The following PLOD1 variants were observed in gnomAD, a reference collection of about 807,000 sequenced individuals.
PLOD1 encodes lysine hydroxylase.
PLOD1 carries 70 observed loss-of-function variants against 94.7 expected under a neutral mutation model. The observed-to-expected ratio is 0.74, with a 90% CI of 0.61 to 0.90. The LOEUF is 0.90. Among genes scored for constraint, PLOD1 ranks in the 40% least tolerant of loss-of-function variants. PLOD1 has a pLI of 0.00. For synonymous variants in PLOD1, 417 were observed against 400.2 expected (o/e 1.04, Z -0.50); for missense variants, 905 against 972.7 (o/e 0.93, Z 0.93).
intron 9 of PLOD1, among the ~76,000 whole-genome samples, chr1:11,960,015 C>T (rs1245504303): frequency 2.7e-5 from 4 of 145,966 alleles, no homozygotes; most frequent in Non-Finnish European, 4.4e-5. Context: ...CTGCAACCTC[C>T]GCCTCCCAAG....
intron 10 of PLOD1, among the ~76,000 whole-genome samples, chr1:11,962,493 G>A (rs1040907593): frequency 6.7e-6 from 1 of 148,558 alleles, no homozygotes; most frequent in Non-Finnish European, 1.5e-5. Flanking sequence ...AGCCAGGATG[G>A]TCTCGATCTC....
intron 1 of PLOD1, among the ~76,000 whole-genome samples, chr1:11,944,359 C>G (rs113232254): frequency 1.3e-5 from 2 of 151,982 alleles, no homozygotes; most frequent in Non-Finnish European, 2.9e-5. Context: ...CCCCTTCCCC[C>G]ACCCCTGCTG....
At chr1:11,943,488 G>C (rs1645629060) in intron 1 of PLOD1, among the ~76,000 whole-genome samples, 1 of 152,018 alleles carries the variant, frequency 6.6e-6, no homozygotes, top group South Asian at 2.1e-4. Context: ...GTAGAGACAG[G>C]GTTTCACCAT....
rs1007349294 is a variant in PLOD1 at position 11,957,987 on chromosome 1, C to T, written c.843+44C>T. The T allele has an allele frequency of 8.0e-7, 1 of 1,256,084 alleles. No homozygotes were observed. The highest frequency in any genetic ancestry group is 1.2e-6 in the Non-Finnish European group (1 of 853,180). The allele number at this position is 1,256,084 out of a possible 1,614,324, so 77.8% of individuals were successfully genotyped here. On this transcript the variant is annotated intron_variant, in intron 8 of 18. Transcript: ENST00000196061. The surrounding 1 kb of genome is among the most constrained non-coding windows in gnomAD (Gnocchi z 4.1). The stretch of plus-strand genomic sequence containing the variant: ...CTGTGCCTGAGGGACACGGGGGGCT[C>T]AGTCCCCTGAGATGGCGAGATGGGT...
In PLOD1 at chr1:11,964,165, C is replaced by T; in HGVS notation, c.1203-10C>T. On this transcript the variant is annotated splice_polypyrimidine_tract_variant and intron_variant, in intron 11 of 18. Transcript: ENST00000196061. ...CAGCGACCTCCTACTGAGGTGCTCCCTTCCCTCAGGAACGTCATTGCCCCG... is the reference window on the plus strand; with the variant it reads ...CAGCGACCTCCTACTGAGGTGCTCCTTTCCCTCAGGAACGTCATTGCCCCG... The T allele has an allele frequency of 6.2e-7, 1 of 1,613,680 alleles. No individual in the cohort carries two copies.
Position 11,944,767 on chromosome 1 carries a change from C to T in PLOD1, c.77-3209C>T. The T allele has an allele frequency of 3.5e-6, 3 of 868,384 alleles. No homozygotes were observed. In the South Asian group the frequency reaches 5.2e-5, roughly 15 times the overall value. The allele number at this position is 868,384 out of a possible 1,614,324, so 53.8% of individuals were successfully genotyped here. A position where few individuals can be genotyped will look rare whatever the true frequency, so the allele number is the denominator to read the frequency against. On this transcript the variant is annotated intron_variant, in intron 1 of 18. Transcript: ENST00000196061. ...TCCCTGCTGGGCCGCCTGGCGCCAG[C>T]CCTCTGCCCTGGGGCCAGCTCCCTG...
At chr1:11,966,530 G>A (rs1215194391) in intron 15 of PLOD1, 5 of 435,788 alleles carry the variant, frequency 1.1e-5, no homozygotes, top group South Asian at 1.1e-4. Context: ...GGATGGGGGT[G>A]GGGGGAGGCA....
chr1:11,935,352 A>G (rs760188), intron 1 of PLOD1, among the ~76,000 whole-genome samples: 83,424 of 151,762 alleles, frequency 0.55, 23,576 homozygotes, highest in East Asian at 0.69. Context: ...GACCATGGGA[A>G]TGAGGGGTCT....
rs111824694 is a variant in PLOD1, at chr1:11,934,948, T to C, written c.76+93T>C. ...CTGGGAACGACCTGAATGGGAGGCC[T>C]GGGCTGGAGAGGGAGTCTGGGTTCC... On this transcript the variant is annotated intron_variant, in intron 1 of 18. Coordinates refer to ENST00000196061, the MANE Select transcript of PLOD1 (RefSeq NM_000302.4). 1.5e-3 allele frequency: 2,163 copies of C among 1,428,442 alleles called. 28 individuals carry two copies. The African/African-American group carries it at 0.025, about 16-fold the overall frequency. The allele number at this position is 1,428,442 out of a possible 1,614,324, so 88.5% of individuals were successfully genotyped here.
Position 11,964,773 on chromosome 1 carries a change from C to T in PLOD1, c.1458C>T (p.Asn486=). The change falls in exon 13 of 19, where the codon AAC becomes AAT. Residue 486 remains asparagine, a synonymous_variant. Coordinates refer to ENST00000196061, the MANE Select transcript of PLOD1 (RefSeq NM_000302.4). ...KLDPDMAFCA[N]IRQQDVFMFL... The stretch of plus-strand genomic sequence containing the variant: ...ACCCCGACATGGCCTTCTGTGCCAA[C>T]ATCCGGCAGCAGGTCAGCCAGGAGC... The T allele has an allele frequency of 6.2e-7, 1 of 1,613,676 alleles. No homozygotes were observed. The highest frequency in any genetic ancestry group is 8.5e-7 in the Non-Finnish European group (1 of 1,180,042).
At chr1:11,940,594 G>C (rs1168979007) in intron 1 of PLOD1, among the ~76,000 whole-genome samples, 1 of 152,204 alleles carries the variant, frequency 6.6e-6, no homozygotes, top group Non-Finnish European at 1.5e-5. Flanking sequence ...CCAGCAATCT[G>C]TCTTTAGCAC....
intron 16 of PLOD1, among the ~76,000 whole-genome samples, chr1:11,968,460 A>G (rs1016768354): frequency 6.6e-6 from 1 of 151,972 alleles, no homozygotes; most frequent in African/African-American, 2.4e-5. Context: ...TGACAGTTTT[A>G]CAACATTCAT....
intron 5 of PLOD1, chr1:11,954,557 G>A (rs1379523986): frequency 4.2e-6 from 3 of 709,242 alleles, no homozygotes; most frequent in Admixed American, 1.8e-5. Flanking sequence ...TACTCTTAAC[G>A]GCCGTCATTG....
chr1:11,957,828 C>A lies in PLOD1; in HGVS notation c.742-14C>A. ...GCTGGCTGGCTTCTCTGTGACCCCA[C>A]GTCTCCCCGACAGCTGCAGTTGAAC... On this transcript the variant is annotated splice_polypyrimidine_tract_variant and intron_variant, in intron 7 of 18. Coordinates refer to ENST00000196061, the MANE Select transcript of PLOD1 (RefSeq NM_000302.4). The surrounding 1 kb of genome is among the most constrained non-coding windows in gnomAD (Gnocchi z 4.1). 1 of 1,598,892 alleles carries A rather than the reference C, an allele frequency of 6.3e-7. No homozygotes were observed. Among genetic ancestry groups the A allele is most frequent in the Non-Finnish European group, 8.6e-7 (1 of 1,166,208 alleles).
At chr1:11,964,332 G>GA in intron 12 of PLOD1, 32 bp downstream of exon 12, 1 of 1,575,410 alleles carries the variant, frequency 6.3e-7, no homozygotes, top group Non-Finnish European at 8.7e-7. Flanking sequence ...GTGGGTGGGG[G>GA]ACACCTTCAT....
chr1:11,962,876 A>G (rs1283365314), intron 10 of PLOD1, among the ~76,000 whole-genome samples: 1 of 152,014 alleles, frequency 6.6e-6, no homozygotes, highest in Non-Finnish European at 1.5e-5. Context: ...CCCTGTCTCT[A>G]CTAAAAATAC....
chr1:11,950,105 G>A (rs1225918196), intron 3 of PLOD1, among the ~76,000 whole-genome samples, 199 bp downstream of exon 3: 1 of 152,224 alleles, frequency 6.6e-6, no homozygotes, highest in Non-Finnish European at 1.5e-5. Context: ...TGACCCATGA[G>A]TGTGATGGGC....
chr1:11,955,330 G>A (rs569217144), intron 6 of PLOD1, among the ~76,000 whole-genome samples: 178 of 152,350 alleles, frequency 1.2e-3, no homozygotes, highest in Middle Eastern at 6.8e-3. Context: ...CTGGCCTCAT[G>A]TCTGTGGCTG....
At chr1:11,964,097 C>A in intron 11 of PLOD1, 78 bp from the exon 12 acceptor site, 3 of 1,435,024 alleles carry the variant, frequency 2.1e-6, no homozygotes, top group Non-Finnish European at 2.9e-6. Flanking sequence ...GGGCACCTAC[C>A]TCCCCCCATC....
Sources: allele counts gnomAD v4.1 joint callset (sites outside exome capture counted in the v4.1 genomes callset), GRCh38; gene constraint gnomAD v4.1.1; non-coding constraint Gnocchi (gnomAD v3.1); transcripts MANE v1.5; gene names NCBI Gene and HGNC (gene_info 2026-07-23, HGNC 2026-07-21).